Variants in PLCB1 observed in about 807,000 individuals in gnomAD.
PLCB1 encodes the protein phospholipase C beta 1, also known as 1-phosphatidylinositol 4,5-bisphosphate phosphodiesterase beta-1.
In PLCB1, 46 loss-of-function variants were observed where a neutral mutation model predicts 161.8. That is an observed-to-expected ratio of 0.28 (90% confidence interval 0.22 to 0.36). The LOEUF is 0.36. Ranked by LOEUF, PLCB1 falls within the 10% of genes least tolerant of loss-of-function variation. The probability of loss-of-function intolerance (pLI) is 1.00; values close to 1 mark genes in which losing one functional copy is unlikely to be tolerated. For missense variants in PLCB1, 1,016 were observed against 1,472.5 expected (o/e 0.69, Z 5.07); for synonymous variants, 517 against 503.7 (o/e 1.03, Z -0.35).
At chr20:8,529,464 GT>G (rs1186143641) in intron 3 of PLCB1, among the ~76,000 whole-genome samples, 1 of 151,900 alleles carries the variant, frequency 6.6e-6, no homozygotes, top group East Asian at 1.9e-4. Context: ...CTTTGGATAT[GT>G]TTTTAAAAAT....
intron 3 of PLCB1, among the ~76,000 whole-genome samples, chr20:8,561,992 T>C (rs376213635): frequency 1.3e-5 from 2 of 152,056 alleles, no homozygotes; most frequent in African/African-American, 4.8e-5. Flanking sequence ...AAAGTCTAGT[T>C]AAGCTTGCTA....
intron 2 of PLCB1, among the ~76,000 whole-genome samples, chr20:8,189,997 T>C (rs1186653432): frequency 1.3e-5 from 2 of 152,100 alleles, no homozygotes; most frequent in Non-Finnish European, 2.9e-5. Flanking sequence ...AGGTAGCATG[T>C]TCTTAGCAAG....
At chr20:8,483,499 T>C (rs1411795153) in intron 3 of PLCB1, among the ~76,000 whole-genome samples, 1 of 152,230 alleles carries the variant, frequency 6.6e-6, no homozygotes, top group Non-Finnish European at 1.5e-5. Flanking sequence ...TGTTTAACAA[T>C]GTCCTTCTAA....
intron 9 of PLCB1, among the ~76,000 whole-genome samples, chr20:8,661,757 C>G (rs1329232745): frequency 6.6e-6 from 1 of 150,632 alleles, no homozygotes; most frequent in South Asian, 2.1e-4. Context: ...CCAAATAGTA[C>G]TAGAGGAAGC....
intron 3 of PLCB1, among the ~76,000 whole-genome samples, chr20:8,384,844 C>T (rs1433610292): frequency 6.6e-6 from 1 of 152,128 alleles, no homozygotes; most frequent in Non-Finnish European, 1.5e-5. Flanking sequence ...CTGGTTTGCT[C>T]TCGCACCAGG....
intron 3 of PLCB1, among the ~76,000 whole-genome samples, chr20:8,495,774 G>A (rs901791698): frequency 1.3e-5 from 2 of 152,062 alleles, no homozygotes; most frequent in African/African-American, 4.8e-5. Context: ...CTACCTTAGG[G>A]ACCTTTTCCT....
At chr20:8,349,442 G>A (rs1183919085) in intron 2 of PLCB1, among the ~76,000 whole-genome samples, 1 of 152,130 alleles carries the variant, frequency 6.6e-6, no homozygotes, top group African/African-American at 2.4e-5. Context: ...TGTTCCACAG[G>A]TAGTGTTTTC....
intron 2 of PLCB1, among the ~76,000 whole-genome samples, chr20:8,194,263 A>C (rs1600227314): frequency 6.6e-6 from 1 of 152,128 alleles, no homozygotes; most frequent in South Asian, 2.1e-4. Context: ...ACTTTACTTC[A>C]AATCCAGTTC....
intron 2 of PLCB1, among the ~76,000 whole-genome samples, chr20:8,311,136 GCATT>G (rs1001413251): frequency 3.0e-4 from 46 of 152,252 alleles, no homozygotes; most frequent in African/African-American, 9.9e-4. Flanking sequence ...TTATGTGTGT[GCATT>G]CATCAAAACT....
intron 3 of PLCB1, among the ~76,000 whole-genome samples, chr20:8,386,631 C>T (rs6055784): frequency 6.6e-6 from 1 of 152,222 alleles, no homozygotes; most frequent in Non-Finnish European, 1.5e-5. Context: ...TACCAACTGC[C>T]TTAATGCCTA....
At chr20:8,819,484 C>T (rs1283595209) in intron 31 of PLCB1, among the ~76,000 whole-genome samples, 1 of 152,006 alleles carries the variant, frequency 6.6e-6, no homozygotes, top group Non-Finnish European at 1.5e-5. Context: ...AGAAAAAGAA[C>T]AAAATTTAAC....
At chr20:8,850,027 A>G (rs1445158294) in intron 31 of PLCB1, among the ~76,000 whole-genome samples, 2 of 152,182 alleles carry the variant, frequency 1.3e-5, no homozygotes, top group Non-Finnish European at 2.9e-5. Flanking sequence ...AAAAAAAAGA[A>G]CGAAGCAGCC....
chr20:8,586,787 C>T (rs1311085425), intron 3 of PLCB1, among the ~76,000 whole-genome samples: 2 of 152,114 alleles, frequency 1.3e-5, no homozygotes, highest in Admixed American at 1.3e-4. Flanking sequence ...CTGTTAGTGA[C>T]GTTTTACCCT....
intron 9 of PLCB1, among the ~76,000 whole-genome samples, chr20:8,681,850 C>A (rs1430600617): frequency 6.6e-6 from 1 of 152,156 alleles, no homozygotes; most frequent in Non-Finnish European, 1.5e-5. Context: ...TGGTGATCTT[C>A]CAGTTTCAAA....
At chr20:8,263,236 T>A (rs933558019) in intron 2 of PLCB1, among the ~76,000 whole-genome samples, 9 of 152,196 alleles carry the variant, frequency 5.9e-5, no homozygotes, top group African/African-American at 2.2e-4. Context: ...CTGTTGATTA[T>A]TAGCCTGGGT....
At chr20:8,872,381 C>G (rs546545186) in intron 31 of PLCB1, among the ~76,000 whole-genome samples, 3 of 152,302 alleles carry the variant, frequency 2.0e-5, no homozygotes, top group African/African-American at 7.2e-5. Flanking sequence ...ATACACTGAT[C>G]ACCATTTCAC....
At chr20:8,762,581 T>A (rs116519885) in intron 25 of PLCB1, among the ~76,000 whole-genome samples, 1,947 of 152,292 alleles carry the variant, frequency 0.013, 44 homozygotes, top group African/African-American at 0.043. Context: ...GAAATAGAAT[T>A]GCATCTGCCT....
At chr20:8,137,317 G>A (rs1258172005) in intron 1 of PLCB1, among the ~76,000 whole-genome samples, 2 of 152,212 alleles carry the variant, frequency 1.3e-5, no homozygotes, top group East Asian at 3.8e-4. Context: ...TGCGAGGTGG[G>A]AATTTAGTAG....
At chr20:8,266,645 A>G (rs2123253514) in intron 2 of PLCB1, among the ~76,000 whole-genome samples, 1 of 152,290 alleles carries the variant, frequency 6.6e-6, no homozygotes, top group African/African-American at 2.4e-5. Flanking sequence ...TCCACTGCAT[A>G]TGGAAGCCAC....
Sources: allele counts gnomAD v4.1 joint callset (sites outside exome capture counted in the v4.1 genomes callset), GRCh38; gene constraint gnomAD v4.1.1; transcripts MANE v1.5; gene names NCBI Gene and HGNC (gene_info 2026-07-23, HGNC 2026-07-21).